The following PIK3R4 variants were observed in gnomAD, a reference collection of about 807,000 sequenced individuals.
PIK3R4 encodes phosphoinositide-3-kinase regulatory subunit 4, also known as phosphoinositide 3-kinase regulatory subunit 4.
Under a neutral mutation model 136.5 loss-of-function variants are expected in PIK3R4, and 46 were observed. The ratio of observed to expected loss-of-function variants is 0.34; its 90% confidence interval spans 0.27 to 0.43. The LOEUF (loss-of-function observed/expected upper bound fraction) is 0.43, where lower values mean the gene tolerates loss of function less well. Among genes scored for constraint, PIK3R4 ranks in the 20% least tolerant of loss-of-function variants. The probability of loss-of-function intolerance (pLI) is 1.00; values close to 1 mark genes in which losing one functional copy is unlikely to be tolerated. For synonymous variants in PIK3R4, 557 were observed against 566.7 expected (o/e 0.98, Z 0.24); for missense variants, 1,331 against 1,649.5 (o/e 0.81, Z 3.35).
At chr3:130,723,164 A>G (rs2066712573) in intron 7 of PIK3R4, among the ~76,000 whole-genome samples, 1 of 151,488 alleles carries the variant, frequency 6.6e-6, no homozygotes, top group Admixed American at 6.6e-5. Flanking sequence ...GGTAACACAG[A>G]CTTACCAACA....
rs1250979650 is a variant in PIK3R4 at position 130,679,079 on chromosome 3, A to C, written c.*236T>G. On this transcript the variant is annotated 3_prime_UTR_variant, in exon 20 of 20. Coordinates refer to ENST00000356763, the MANE Select transcript of PIK3R4 (RefSeq NM_014602.3). Reference sequence around the variant, plus strand: ...TTTACATTTCTCACCTCTATAACATATACAATAAAAATCCCAGACATTGTT... The same window carrying C: ...TTTACATTTCTCACCTCTATAACATCTACAATAAAAATCCCAGACATTGTT... The C allele has an allele frequency of 3.5e-6, 1 of 286,958 alleles. No individual in the cohort carries two copies. Among genetic ancestry groups the C allele is most frequent in the African/African-American group, 2.2e-5 (1 of 45,732 alleles). The allele number at this position is 286,958 out of a possible 1,614,324, so 17.8% of individuals were successfully genotyped here. A position where few individuals can be genotyped will look rare whatever the true frequency, so the allele number is the denominator to read the frequency against.
intron 2 of PIK3R4, among the ~76,000 whole-genome samples, chr3:130,738,310 T>C (rs1032066864): frequency 3.9e-5 from 6 of 152,206 alleles, no homozygotes; most frequent in Non-Finnish European, 5.9e-5. Flanking sequence ...TTTCTATTTA[T>C]GATATTTTCA....
At chr3:130,694,088 T>C (rs967716903) in intron 13 of PIK3R4, among the ~76,000 whole-genome samples, 3 of 152,150 alleles carry the variant, frequency 2.0e-5, no homozygotes, top group Non-Finnish European at 4.4e-5. Context: ...ATGTCAGTTC[T>C]ATACCATGAA....
At chr3:130,728,822 T>A in intron 5 of PIK3R4, 138 bp from the exon 6 acceptor site, 1 of 545,016 alleles carries the variant, frequency 1.8e-6, no homozygotes, top group Non-Finnish European at 3.0e-6. Flanking sequence ...CCGAAGACTT[T>A]AATCACCAAT....
chr3:130,743,511 T>C lies in PIK3R4; in HGVS notation c.733+975A>G, dbSNP rs76564833. ...TGGCAGAAATCTCAAACTTACCATA[T>C]CTTAAACAGACCTCATCATCTTCCC... On this transcript the variant is annotated intron_variant, in intron 2 of 19. Coordinates refer to ENST00000356763, the MANE Select transcript of PIK3R4 (RefSeq NM_014602.3). 7.3e-4 allele frequency among the ~76,000 whole-genome samples: 111 copies of C among 152,278 alleles called. 4 individuals are homozygous for C. In the East Asian group the frequency reaches 0.015, roughly 21 times the overall value.
chr3:130,717,986 G>A (rs1012566553), intron 8 of PIK3R4, among the ~76,000 whole-genome samples: 3 of 152,036 alleles, frequency 2.0e-5, no homozygotes, highest in Non-Finnish European at 2.9e-5. Flanking sequence ...ACCAGTTAGC[G>A]GTGAAAAACT....
At chr3:130,703,667 A>C in intron 13 of PIK3R4, 56 bp downstream of exon 13, 1 of 1,304,850 alleles carries the variant, frequency 7.7e-7, no homozygotes, top group Non-Finnish European at 1.1e-6. Flanking sequence ...GTAAACACTC[A>C]ATAAACATTT....
Position 130,708,302 on chromosome 3 carries a change from T to C in PIK3R4, c.2522A>G (p.Asp841Gly), listed in dbSNP as rs2066616762. 1 of 1,613,436 alleles carries C rather than the reference T, an allele frequency of 6.2e-7. No homozygotes were observed. The highest frequency in any genetic ancestry group is 8.5e-7 in the Non-Finnish European group (1 of 1,179,452). The change falls in exon 10 of 20, where the codon GAT (aspartate) becomes GGT (glycine). Residue 841 changes from aspartate (D) to glycine (G), a missense_variant. Transcript: ENST00000356763. ...ACAAGCATACTAACCCCGTTTGTCA[T>C]CTGGTTCTTGTTTGGTTTTAACAAG... Reference protein sequence around the residue: ...VDLVKTKQEPDDKRARKHVKQ... With the variant: ...VDLVKTKQEPGDKRARKHVKQ...
chr3:130,731,460 C>A (rs1220451577), intron 4 of PIK3R4, among the ~76,000 whole-genome samples: 1 of 152,120 alleles, frequency 6.6e-6, no homozygotes, highest in African/African-American at 2.4e-5. Flanking sequence ...TAAAAATTTA[C>A]CTCTAAGTAA....
chr3:130,680,547 C>T, intron 19 of PIK3R4, 66 bp downstream of exon 19: 1 of 782,970 alleles, frequency 1.3e-6, no homozygotes, highest in Non-Finnish European at 2.1e-6. Context: ...TTATTTTAAT[C>T]AATTCTGTTT....
At chr3:130,715,186 C>A (rs557174978) in intron 9 of PIK3R4, among the ~76,000 whole-genome samples, 1 of 142,584 alleles carries the variant, frequency 7.0e-6, no homozygotes, top group African/African-American at 2.6e-5. Flanking sequence ...TGCAGCGGTG[C>A]GATCTTTGCT....
intron 1 of PIK3R4, 62 bp from the exon 2 acceptor site, chr3:130,745,326 T>C: frequency 8.9e-7 from 1 of 1,125,082 alleles, no homozygotes; most frequent in Non-Finnish European, 1.2e-6. Flanking sequence ...TGAAACACCA[T>C]TATTCCATTA....
Position 130,703,886 on chromosome 3 carries a change from ATCC to A in PIK3R4, c.2933-1_2934del. On this transcript the variant is annotated splice_acceptor_variant and coding_sequence_variant, in exon 13 of 20. Coordinates refer to ENST00000356763, the MANE Select transcript of PIK3R4 (RefSeq NM_014602.3). LOFTEE classifies it high-confidence loss of function. ...GCAACTAACAGCCCTTTAGGACGCC[ATCC>A]TAAGGAAAAGCAAAGGAGTGTATCA... 6.2e-7 allele frequency: 1 copy of A among 1,606,726 alleles called. No individual in the cohort carries two copies. The highest frequency in any genetic ancestry group is 8.5e-7 in the Non-Finnish European group (1 of 1,174,668).
chr3:130,729,850 A>C (rs1338822030), intron 5 of PIK3R4, among the ~76,000 whole-genome samples: 1 of 152,218 alleles, frequency 6.6e-6, no homozygotes, highest in Admixed American at 6.5e-5. Context: ...AAGAAACCTA[A>C]GACAAGGACT....
chr3:130,727,638 G>A (rs916572729), intron 6 of PIK3R4, among the ~76,000 whole-genome samples: 5 of 152,194 alleles, frequency 3.3e-5, no homozygotes, highest in Non-Finnish European at 5.9e-5. Flanking sequence ...TTACAACTAT[G>A]TGGGAAATGA....
At chr3:130,707,603 G>C (rs1002075293) in intron 10 of PIK3R4, among the ~76,000 whole-genome samples, 2 of 151,870 alleles carry the variant, frequency 1.3e-5, no homozygotes, top group Non-Finnish European at 2.9e-5. Flanking sequence ...TAAAACTTAA[G>C]TTACAAATAC....
intron 2 of PIK3R4, among the ~76,000 whole-genome samples, chr3:130,743,650 C>G (rs770573599): frequency 2.6e-5 from 4 of 152,094 alleles, no homozygotes; most frequent in Non-Finnish European, 5.9e-5. Flanking sequence ...TGACAGAATC[C>G]TAACAATTCT....
intron 6 of PIK3R4, among the ~76,000 whole-genome samples, chr3:130,727,098 A>G (rs1386398447): frequency 2.0e-5 from 3 of 152,236 alleles, no homozygotes; most frequent in Admixed American, 6.5e-5. Flanking sequence ...TTCCTCCAAA[A>G]CATATGATAG....
At chr3:130,711,415 CAAGA>C (rs2066631948) in intron 9 of PIK3R4, among the ~76,000 whole-genome samples, 1 of 152,124 alleles carries the variant, frequency 6.6e-6, no homozygotes, top group Admixed American at 6.5e-5. Flanking sequence ...CATCAGAGTT[CAAGA>C]AAGTTACAAA....
Sources: gnomAD v4.1 joint callset for allele counts (sites outside exome capture counted in the v4.1 genomes callset) on GRCh38, gnomAD v4.1.1 for gene constraint, MANE v1.5 for transcripts, NCBI Gene and HGNC (gene_info 2026-07-23, HGNC 2026-07-21) for gene names.